ZDBF2: variants seen among roughly 807,000 people sequenced by gnomAD.
ZDBF2 encodes DBF4-type zinc finger-containing protein 2.
In ZDBF2, 6 loss-of-function variants were observed where a neutral mutation model predicts 9.4. The ratio of observed to expected loss-of-function variants is 0.64; its 90% CI spans 0.35 to 1.27. ZDBF2 has a LOEUF of 1.27. Ranked by LOEUF, ZDBF2 falls within the 50% of genes most tolerant of loss-of-function variation. ZDBF2 has a pLI of 0.03. For missense variants in ZDBF2, 2,697 were observed against 2,766.8 expected (o/e 0.97, Z 0.57); for synonymous variants, 905 against 946.3 (o/e 0.96, Z 0.80).
At chr2:206,302,221 G>T (rs35950368) in intron 4 of ZDBF2, among the ~76,000 whole-genome samples, 60,430 of 151,688 alleles carry the variant, frequency 0.4, 12,515 homozygotes, top group Admixed American at 0.46. Flanking sequence ...TGTTGCCAAG[G>T]CTGGTCTCAA....
intron 3 of ZDBF2, among the ~76,000 whole-genome samples, chr2:206,287,082 C>T (rs1048516803): frequency 2.6e-5 from 4 of 152,140 alleles, no homozygotes; most frequent in Admixed American, 2.6e-4. Context: ...CCTATTGTTG[C>T]ACCTGGATCT....
At chr2:206,304,676 AC>A in intron 4 of ZDBF2, 40 bp from the exon 5 acceptor site, 1 of 1,546,302 alleles carries the variant, frequency 6.5e-7, no homozygotes, top group Non-Finnish European at 8.7e-7. Flanking sequence ...TTTTAAACAG[AC>A]ATTAGAATAT....
chr2:206,275,613 A>G (rs796829926), intron 1 of ZDBF2, among the ~76,000 whole-genome samples: 32 of 152,226 alleles, frequency 2.1e-4, no homozygotes, highest in African/African-American at 7.7e-4. Context: ...AAAAATGCAT[A>G]ACAAGATACT....
intron 3 of ZDBF2, among the ~76,000 whole-genome samples, chr2:206,296,236 C>A (rs1692170866): frequency 6.6e-6 from 1 of 152,082 alleles, no homozygotes; most frequent in Non-Finnish European, 1.5e-5. Context: ...AATAAATGGG[C>A]AAATAAATTG....
rs748750903 is a variant in ZDBF2 at position 206,310,990 on chromosome 2, T to G, written c.6462T>G (p.Asp2154Glu). The change falls in exon 5 of 5, where the codon GAT (aspartate) becomes GAG (glutamate). Residue 2154 changes from aspartate (D) to glutamate (E), a missense_variant. Physicochemically the swap from Asp to Glu is conservative, Grantham distance 45 (BLOSUM62 2). This residue lies in a region of ZDBF2 where 1,783 missense variants were observed against 1,776.5 expected (regional missense o/e 1.00). Coordinates refer to ENST00000374423, the MANE Select transcript of ZDBF2 (RefSeq NM_020923.3). ...TCCAGCTAACATTTTTAAATCATGA[T>G]GTTGTCAAAATCTCTCCAAAATCAG... ...RNFQLTFLNH[D>E]VVKISPKSVR... 1 of 1,613,408 alleles carries G rather than the reference T, an allele frequency of 6.2e-7. No individual in the cohort carries two copies. The highest frequency in any genetic ancestry group is 2.2e-5 in the East Asian group (1 of 44,880).
In ZDBF2 at chr2:206,306,353, C is replaced by G; in HGVS notation, c.1825C>G (p.Gln609Glu). 1 of 1,613,748 alleles carries G rather than the reference C, an allele frequency of 6.2e-7. No individual in the cohort carries two copies. The highest frequency in any genetic ancestry group is 8.5e-7 in the Non-Finnish European group (1 of 1,179,808). The change falls in exon 5 of 5, where the codon CAA becomes GAA. Residue 609 changes from glutamine to glutamate, a missense_variant. By Grantham distance (29) the Gln-to-Glu change is conservative. Around this residue, in one of 3 missense-constraint regions of ZDBF2, gnomAD observed 910 missense variants for 973.6 expected, o/e 0.93. Coordinates refer to ENST00000374423, the MANE Select transcript of ZDBF2 (RefSeq NM_020923.3). ...TVKGRNLKGR[Q>E]VHLKHKKRKP... ...CAAAGGAAGAAACCTGAAAGGTAGACAAGTCCACCTAAAACATAAGAAGCG... is the reference window on the plus strand; with the variant it reads ...CAAAGGAAGAAACCTGAAAGGTAGAGAAGTCCACCTAAAACATAAGAAGCG...
At chr2:206,291,180 G>C (rs1461906364) in intron 3 of ZDBF2, among the ~76,000 whole-genome samples, 1 of 152,184 alleles carries the variant, frequency 6.6e-6, no homozygotes, top group Non-Finnish European at 1.5e-5. Context: ...TGGCACCAGG[G>C]ACTGGTTTCG....
Position 206,309,697 on chromosome 2 carries a change from G to T in ZDBF2, c.5169G>T (p.Arg1723Ser). Residue 1723 changes from arginine to serine, a missense_variant, in exon 5 of 5, where the codon AGG (arginine) becomes AGT (serine). Arg to Ser is a moderately radical substitution (Grantham distance 110). Coordinates refer to ENST00000374423, the MANE Select transcript of ZDBF2 (RefSeq NM_020923.3). ...CTTCCAAGTCAGCGCTCCATCGAAG[G>T]GCTGATAAAAAAAAACGTTCGAAGC... is the stretch of plus-strand genomic sequence containing the variant. Reference protein sequence around the residue: ...GASSKSALHRRADKKKRSKLK... With the variant: ...GASSKSALHRSADKKKRSKLK... The T allele has an allele frequency of 6.2e-7, 1 of 1,613,626 alleles. No individual in the cohort carries two copies. Among genetic ancestry groups the T allele is most frequent in the Admixed American group, 1.7e-5 (1 of 59,980 alleles).
At position 206,305,289 on chromosome 2, in the gene ZDBF2, A is replaced by G. The variant is rs1292182047; in HGVS notation, c.761A>G (p.His254Arg). ...VETTSFSYQKHKESNRKSLRM... is the reference protein window; with the variant it reads ...VETTSFSYQKRKESNRKSLRM... The stretch of plus-strand genomic sequence containing the variant: ...ACTACTTCATTTTCGTATCAGAAAC[A>G]TAAAGAATCAAATAGGAAATCTTTA... The change falls in exon 5 of 5, where the codon CAT becomes CGT. Residue 254 changes from histidine (H) to arginine (R), a missense_variant. By Grantham distance (29) the His-to-Arg change is conservative. This residue lies in a region of ZDBF2 where 910 missense variants were observed against 973.6 expected (regional missense o/e 0.93). Coordinates refer to ENST00000374423, the MANE Select transcript of ZDBF2 (RefSeq NM_020923.3). 22 of 1,612,992 alleles carry G rather than the reference A, an allele frequency of 1.4e-5. No homozygotes were observed. The highest frequency in any genetic ancestry group is 4.4e-5 in the South Asian group (4 of 90,878).
chr2:206,296,871 C>T (rs942081746), intron 3 of ZDBF2, among the ~76,000 whole-genome samples: 1 of 152,106 alleles, frequency 6.6e-6, no homozygotes, highest in Admixed American at 6.5e-5. Context: ...TAACGTTTCC[C>T]ATGTTACTTA....
Position 206,310,843 on chromosome 2 carries a change from G to C in ZDBF2, c.6315G>C (p.Ala2105=), listed in dbSNP as rs754381621. 2 of 1,613,744 alleles carry C rather than the reference G, an allele frequency of 1.2e-6. No individual in the cohort carries two copies. Among genetic ancestry groups the C allele is most frequent in the African/African-American group, 1.3e-5 (1 of 74,898 alleles). Residue 2105 remains alanine, a synonymous_variant, in exon 5 of 5, where the codon GCG becomes GCC. Transcript: ENST00000374423. The part of the protein sequence containing the change: ...NDADGQGSAS[A]PLMAVPARYG... ...CTGATGGACAAGGCTCTGCTTCAGC[G>C]CCTTTAATGGCAGTGCCGGCAAGAT...
chr2:206,286,277 T>G (rs1691594757), intron 3 of ZDBF2, among the ~76,000 whole-genome samples: 2 of 152,212 alleles, frequency 1.3e-5, no homozygotes, highest in Admixed American at 1.3e-4. Flanking sequence ...CTAGATGATC[T>G]GTCCAATTCT....
Position 206,309,655 on chromosome 2 carries a change from A to C in ZDBF2, c.5127A>C (p.Ala1709=). 1 of 1,613,954 alleles carries C rather than the reference A, an allele frequency of 6.2e-7. No individual in the cohort carries two copies. Among genetic ancestry groups the C allele is most frequent in the Non-Finnish European group, 8.5e-7 (1 of 1,179,888 alleles). Residue 1709 remains alanine (A), a synonymous_variant, in exon 5 of 5, where the codon GCA becomes GCC. Transcript: ENST00000374423. The part of the protein sequence containing the change: ...KGKSCQSSAS[A]VDFGASSKSA... ...AGAGCTGTCAGTCTAGTGCTTCTGC[A>C]GTGGATTTTGGTGCCTCTTCCAAGT... is the stretch of plus-strand genomic sequence containing the variant.
rs1004657573 is a variant in ZDBF2, at chr2:206,307,071, T to A, written c.2543T>A (p.Val848Asp). The change falls in exon 5 of 5, where the codon GTT (valine) becomes GAT (aspartate). Residue 848 changes from valine to aspartate, a missense_variant. Physicochemically the swap from Val to Asp is radical, Grantham distance 152. Coordinates refer to ENST00000374423, the MANE Select transcript of ZDBF2 (RefSeq NM_020923.3). ...HSGNDHPEVAVKEVIQKEEYI... is the reference protein window; with the variant it reads ...HSGNDHPEVADKEVIQKEEYI... The stretch of plus-strand genomic sequence containing the variant: ...GGAAATGATCACCCTGAAGTAGCTG[T>A]TAAAGAAGTAATTCAGAAAGAAGAG... 8 of 1,611,966 alleles carry A rather than the reference T, an allele frequency of 5.0e-6. No homozygotes were observed. Among genetic ancestry groups the A allele is most frequent in the Non-Finnish European group, 6.8e-6 (8 of 1,179,286 alleles).
rs767336689 is a variant in ZDBF2 at position 206,311,459 on chromosome 2, A to G, written c.6931A>G (p.Ser2311Gly). The part of the protein sequence containing the change: ...VARRRKKTDE[S>G]YHGRQKGPST... ...AAGAAGGAGGAAGAAGACTGATGAA[A>G]GCTACCATGGCCGACAGAAAGGTCC... The change falls in exon 5 of 5, where the codon AGC becomes GGC. Residue 2311 changes from serine to glycine, a missense_variant. This residue lies in a region of ZDBF2 where 1,783 missense variants were observed against 1,776.5 expected (regional missense o/e 1.00). Transcript: ENST00000374423. The G allele has an allele frequency of 5.6e-6, 9 of 1,612,586 alleles. No homozygotes were observed. The South Asian group carries it at 9.9e-5, about 18-fold the overall frequency.
In ZDBF2 at chr2:206,312,597, T is replaced by G. The variant is rs1175532915; in HGVS notation, c.*1004T>G. On this transcript the variant is annotated 3_prime_UTR_variant, in exon 5 of 5. Coordinates refer to ENST00000374423, the MANE Select transcript of ZDBF2 (RefSeq NM_020923.3). The stretch of plus-strand genomic sequence containing the variant: ...GCCCGGCTAATTTTTGTATTTTTAG[T>G]AGAGTTGGGGGTTTCACTATGTTGG... 6.6e-6 allele frequency: 1 copy of G among 152,026 alleles called. No homozygotes were observed. The highest frequency in any genetic ancestry group is 2.4e-5 in the African/African-American group (1 of 41,378). The allele number at this position is 152,026 out of a possible 1,614,324, so 9.4% of individuals were successfully genotyped here.
chr2:206,301,009 C>A (rs1318131261), intron 4 of ZDBF2, among the ~76,000 whole-genome samples: 1 of 152,190 alleles, frequency 6.6e-6, no homozygotes, highest in Non-Finnish European at 1.5e-5. Flanking sequence ...GTCACTGTTG[C>A]TAACACTGGG....
rs1034808448 is a variant in ZDBF2, at chr2:206,308,727, A to T, written c.4199A>T (p.Asp1400Val). Residue 1400 changes from aspartate (D) to valine (V), a missense_variant, in exon 5 of 5, where the codon GAT becomes GTT. By Grantham distance (152) the Asp-to-Val change is radical. Around this residue, in one of 3 missense-constraint regions of ZDBF2, gnomAD observed 1,783 missense variants for 1,776.5 expected, o/e 1.00. Transcript: ENST00000374423. ...LWKEDHIYLE[D>V]KSYKLGDFDV... The stretch of plus-strand genomic sequence containing the variant: ...AAGGAAGACCATATTTACCTGGAAG[A>T]TAAGAGCTATAAATTAGGTGATTTT... 2.5e-5 allele frequency: 40 copies of T among 1,613,058 alleles called. No individual in the cohort carries two copies. The highest frequency in any genetic ancestry group is 3.3e-5 in the Non-Finnish European group (39 of 1,179,756).
rs1693158326 is a variant in ZDBF2 at position 206,311,132 on chromosome 2, C to A, written c.6604C>A (p.Gln2202Lys). Residue 2202 changes from glutamine to lysine, a missense_variant, in exon 5 of 5, where the codon CAA becomes AAA. By Grantham distance (53) the Gln-to-Lys change is moderately conservative. Around this residue, in one of 3 missense-constraint regions of ZDBF2, gnomAD observed 1,783 missense variants for 1,776.5 expected, o/e 1.00. Transcript: ENST00000374423. ...KKVYKPIILQ[Q>K]KPRKASEKQS... ...GGTTTATAAACCAATTATTCTCCAG[C>A]AAAAACCCAGAAAAGCTTCAGAGAA... 1 of 1,613,774 alleles carries A rather than the reference C, an allele frequency of 6.2e-7. No individual in the cohort carries two copies. The highest frequency in any genetic ancestry group is 8.5e-7 in the Non-Finnish European group (1 of 1,179,840).
Sources: allele counts gnomAD v4.1 joint callset (sites outside exome capture counted in the v4.1 genomes callset), GRCh38; gene constraint gnomAD v4.1.1; regional missense constraint gnomAD v4.1.1; transcripts MANE v1.5; gene names NCBI Gene and HGNC (gene_info 2026-07-23, HGNC 2026-07-21).